ZNF804B: variants seen among roughly 807,000 people sequenced by gnomAD.
The protein encoded by ZNF804B is zinc finger protein 804B, also known as zinc finger 804B.
ZNF804B carries 80 observed loss-of-function variants against 101.4 expected under a neutral mutation model. The ratio of observed to expected loss-of-function variants is 0.79; its 90% CI spans 0.66 to 0.95. The LOEUF (loss-of-function observed/expected upper bound fraction) is 0.95, where lower values mean the gene tolerates loss of function less well. Ranked by LOEUF, ZNF804B falls within the 40% of genes least tolerant of loss-of-function variation. ZNF804B has a pLI of 0.00. For missense variants in ZNF804B, 1,673 were observed against 1,561.9 expected, an observed-to-expected ratio of 1.07 and a Z score of -1.20; for synonymous variants, 622 against 558.8, an observed-to-expected ratio of 1.11 and a Z score of -1.59.
intron 2 of ZNF804B, among the ~76,000 whole-genome samples, chr7:89,238,954 A>C (rs1789322320): frequency 6.6e-6 from 1 of 152,154 alleles, no homozygotes; most frequent in Non-Finnish European, 1.5e-5. Flanking sequence ...ATTGAGCTTC[A>C]AGTCTACCTT....
At chr7:88,930,060 A>T (rs993009499) in intron 1 of ZNF804B, among the ~76,000 whole-genome samples, 4 of 151,946 alleles carry the variant, frequency 2.6e-5, no homozygotes, top group Non-Finnish European at 4.4e-5. Flanking sequence ...TTTATATATT[A>T]AATTATTTTT....
intron 1 of ZNF804B, among the ~76,000 whole-genome samples, chr7:89,025,247 T>C (rs1306778686): frequency 1.3e-5 from 2 of 152,114 alleles, no homozygotes; most frequent in African/African-American, 4.8e-5. Flanking sequence ...TTATGTGGAA[T>C]TTAAGTGGGT....
intron 1 of ZNF804B, among the ~76,000 whole-genome samples, chr7:89,102,722 G>T (rs1051449441): frequency 2.0e-5 from 3 of 151,834 alleles, no homozygotes; most frequent in Admixed American, 6.6e-5. Context: ...AGTTAGATTT[G>T]CTTTTGGAGT....
At chr7:88,763,671 G>A (rs757720980) in intron 1 of ZNF804B, among the ~76,000 whole-genome samples, 10 of 151,642 alleles carry the variant, frequency 6.6e-5, no homozygotes, top group African/African-American at 1.9e-4. Context: ...ACCTATCCCC[G>A]ACTCTATCTA....
intron 2 of ZNF804B, among the ~76,000 whole-genome samples, chr7:89,299,412 G>A (rs1213120591): frequency 6.6e-6 from 1 of 151,916 alleles, no homozygotes; most frequent in Non-Finnish European, 1.5e-5. Context: ...TTGCTTGTTT[G>A]ACAGTTGAAA....
chr7:89,114,118 A>T (rs1017573962), intron 1 of ZNF804B, among the ~76,000 whole-genome samples: 7 of 152,192 alleles, frequency 4.6e-5, no homozygotes, highest in Non-Finnish European at 5.9e-5. Context: ...AAAAATATAA[A>T]TTATTAGTAT....
At chr7:88,892,390 A>G (rs557203278) in intron 1 of ZNF804B, among the ~76,000 whole-genome samples, 2 of 152,182 alleles carry the variant, frequency 1.3e-5, no homozygotes, top group Non-Finnish European at 2.9e-5. Context: ...CTTGTAGAAA[A>G]TAGTTTTTTT....
At chr7:89,174,909 A>G (rs972676312) in intron 1 of ZNF804B, among the ~76,000 whole-genome samples, 43 of 151,984 alleles carry the variant, frequency 2.8e-4, no homozygotes, top group African/African-American at 9.7e-4. Flanking sequence ...AGAAATGTCT[A>G]TTCAGATATT....
intron 1 of ZNF804B, among the ~76,000 whole-genome samples, chr7:89,155,270 A>G (rs765737736): frequency 5.2e-4 from 79 of 152,272 alleles, no homozygotes; most frequent in Non-Finnish European, 8.5e-4. Context: ...CAACAGAGCC[A>G]TTTTATCATC....
At chr7:89,138,895 A>G (rs1790676063) in intron 1 of ZNF804B, among the ~76,000 whole-genome samples, 1 of 152,102 alleles carries the variant, frequency 6.6e-6, no homozygotes, top group Non-Finnish European at 1.5e-5. Flanking sequence ...CCCCAGCCAC[A>G]TGGAACTATA....
intron 1 of ZNF804B, among the ~76,000 whole-genome samples, chr7:88,915,151 G>C (rs1039237067): frequency 6.6e-6 from 1 of 151,888 alleles, no homozygotes; most frequent in African/African-American, 2.4e-5. Context: ...GAAAATAATT[G>C]CTTATCTTTA....
intron 1 of ZNF804B, among the ~76,000 whole-genome samples, chr7:89,042,038 AGATCAGT>A (rs1325110627): frequency 1.3e-5 from 2 of 152,168 alleles, no homozygotes; most frequent in African/African-American, 4.8e-5. Flanking sequence ...GTGTTATAAC[AGATCAGT>A]GAAGGCTGAG....
At chr7:89,099,956 A>G (rs1029103518) in intron 1 of ZNF804B, among the ~76,000 whole-genome samples, 73 of 152,294 alleles carry the variant, frequency 4.8e-4, no homozygotes, top group African/African-American at 1.6e-3. Flanking sequence ...ATTGGGTCAT[A>G]TGGCTCATCT....
intron 1 of ZNF804B, among the ~76,000 whole-genome samples, chr7:88,888,252 C>T (rs181967185): frequency 1.2e-4 from 19 of 152,058 alleles, no homozygotes; most frequent in African/African-American, 3.9e-4. Flanking sequence ...ATTAGCCAGG[C>T]GTGGTGGGGG....
At chr7:88,866,146 AAAG>A (rs917598829) in intron 1 of ZNF804B, among the ~76,000 whole-genome samples, 7 of 152,236 alleles carry the variant, frequency 4.6e-5, no homozygotes, top group Non-Finnish European at 1.0e-4. Flanking sequence ...ACCTGGAAAA[AAAG>A]GCCAGAAAAT....
At chr7:89,024,202 T>C (rs1788710495) in intron 1 of ZNF804B, among the ~76,000 whole-genome samples, 1 of 152,198 alleles carries the variant, frequency 6.6e-6, no homozygotes, top group Non-Finnish European at 1.5e-5. Context: ...AAAGCATACA[T>C]GGCTTCTGCT....
chr7:89,045,115 G>A (rs1276520425), intron 1 of ZNF804B, among the ~76,000 whole-genome samples: 1 of 152,208 alleles, frequency 6.6e-6, no homozygotes, highest in Non-Finnish European at 1.5e-5. Flanking sequence ...AGGAACAAAG[G>A]TACATCTCAG....
chr7:89,198,207 A>G (rs962093057), intron 1 of ZNF804B, among the ~76,000 whole-genome samples: 2 of 151,904 alleles, frequency 1.3e-5, no homozygotes, highest in African/African-American at 4.8e-5. Context: ...TGGAAATGCT[A>G]CTCACACATA....
intron 1 of ZNF804B, among the ~76,000 whole-genome samples, chr7:88,841,284 G>T (rs577087603): frequency 1.3e-5 from 2 of 152,146 alleles, no homozygotes; most frequent in African/African-American, 4.8e-5. Context: ...AGCTATTCAT[G>T]CCAGAAAGAC....
Sources: gnomAD v4.1 joint callset for allele counts (sites outside exome capture counted in the v4.1 genomes callset) on GRCh38, gnomAD v4.1.1 for gene constraint, MANE v1.5 for transcripts, NCBI Gene and HGNC (gene_info 2026-07-23, HGNC 2026-07-21) for gene names.